The following BASP1 variants were observed in gnomAD, a reference collection of about 807,000 sequenced individuals.
BASP1 encodes brain acid soluble protein 1.
Under a neutral mutation model 2.2 loss-of-function variants are expected in BASP1, and 1 was observed. The ratio of observed to expected loss-of-function variants is 0.46; its 90% CI spans 0.16 to 2.17. BASP1 has a LOEUF of 2.17. Ranked by LOEUF, BASP1 falls within the 30% of genes most tolerant of loss-of-function variation. The pLI is 0.27. For missense variants in BASP1, 352 were observed against 327.2 expected (o/e 1.08, Z -0.58); for synonymous variants, 187 against 154.2 (o/e 1.21, Z -1.58).
At chr5:17,257,518 A>G (rs1375746638) in intron 1 of BASP1, among the ~76,000 whole-genome samples, 1 of 152,186 alleles carries the variant, frequency 6.6e-6, no homozygotes, top group Non-Finnish European at 1.5e-5. Context: ...GTGTGTAGTG[A>G]GCTGAACTAT....
Position 17,219,672 on chromosome 5 carries a change from C to T in BASP1, c.-10+1862C>T, listed in dbSNP as rs78159472. 6.7e-3 allele frequency among the ~76,000 whole-genome samples: 1,016 copies of T among 152,254 alleles called. 20 individuals are homozygous for T. Among genetic ancestry groups the T allele is most frequent in the African/African-American group, 0.023 (950 of 41,532 alleles). ...TGGGCGTTGCCTCCAGTGACACCAC[C>T]TGGGGAAAATTAAGACATCTTGGCG... On this transcript the variant is annotated intron_variant, in intron 1 of 1. Transcript: ENST00000322611.
In BASP1 at chr5:17,236,496, C is replaced by T. The variant is rs1028096681; in HGVS notation, c.-10+18686C>T. Among the ~76,000 whole-genome samples the T allele has an allele frequency of 2.0e-5, 3 of 152,098 alleles. No homozygotes were observed. The highest frequency in any genetic ancestry group is 1.3e-4 in the Admixed American group (2 of 15,278). On this transcript the variant is annotated intron_variant, in intron 1 of 1. Transcript: ENST00000322611. The surrounding 1 kb of genome is among the most constrained non-coding windows in gnomAD (Gnocchi z 4.0). ...GTCAGGCTGGTCTCAAACTCCTGAC[C>T]TTAGGTGATCCGCCTGCCTCTGCCT...
At chr5:17,271,718 C>T (rs1187944720) in intron 1 of BASP1, among the ~76,000 whole-genome samples, 1 of 152,078 alleles carries the variant, frequency 6.6e-6, no homozygotes, top group Non-Finnish European at 1.5e-5. Context: ...CTTAGAAGTT[C>T]CAACTTCTAA....
At chr5:17,259,025 G>A in intron 1 of BASP1, among the ~76,000 whole-genome samples, 1 of 152,188 alleles carries the variant, frequency 6.6e-6, no homozygotes, top group Admixed American at 6.5e-5. Context: ...CACTGCATAT[G>A]TATTAGTCCA....
chr5:17,227,857 TA>T (rs767219513), intron 1 of BASP1, among the ~76,000 whole-genome samples: 1 of 152,328 alleles, frequency 6.6e-6, no homozygotes, highest in African/African-American at 2.4e-5. Flanking sequence ...TTTTGCTCAG[TA>T]GCCCTGGTGA....
At position 17,275,971 on chromosome 5, in the gene BASP1, A is replaced by ATCTC; in HGVS notation, c.*79_*82dup. The ATCTC allele has an allele frequency of 1.2e-6, 1 of 812,832 alleles. No individual in the cohort carries two copies. The highest frequency in any genetic ancestry group is 1.7e-6 in the Non-Finnish European group (1 of 585,712). 50.4% of individuals were successfully genotyped at this position (812,832 alleles called of 1,614,324 possible). A position where few individuals can be genotyped will look rare whatever the true frequency, so the allele number is the denominator to read the frequency against. Reference sequence around the variant, plus strand: ...TCTCTCTCTCTCTCTCTCTCTCTCTATCTCTCTCTCTATCTCCTCTCTCTC... The same window carrying ATCTC: ...TCTCTCTCTCTCTCTCTCTCTCTCTATCTCTCTCTCTCTCTATCTCCTCTCTCTC... On this transcript the variant is annotated 3_prime_UTR_variant, in exon 2 of 2. Coordinates refer to ENST00000322611, the MANE Select transcript of BASP1 (RefSeq NM_006317.5). This position sits in a 1 kb window ranked among gnomAD's most constrained non-coding sequence, Gnocchi z 5.3.
chr5:17,268,933 A>G (rs577563821), intron 1 of BASP1, among the ~76,000 whole-genome samples: 68 of 152,372 alleles, frequency 4.5e-4, no homozygotes, highest in African/African-American at 1.4e-3. Flanking sequence ...AATAAGAAAT[A>G]CTTGTTAGCT....
Position 17,275,486 on chromosome 5 carries a change from G to A in BASP1, c.270G>A (p.Thr90=), listed in dbSNP as rs1740625349. The change falls in exon 2 of 2, where the codon ACG becomes ACA. Residue 90 remains threonine (T), a synonymous_variant. Transcript: ENST00000322611. The surrounding 1 kb of genome is among the most constrained non-coding windows in gnomAD (Gnocchi z 5.3). ...CCCCGAAGGCGGAGCCCGAGAAGAC[G>A]GAGGGCGCGGCAGAGGCCAAGGCTG... The part of the protein sequence containing the change: ...EEAPKAEPEK[T]EGAAEAKAEP... The A allele has an allele frequency of 6.7e-7, 1 of 1,483,848 alleles. No individual in the cohort carries two copies. The highest frequency in any genetic ancestry group is 2.6e-5 in the Admixed American group (1 of 38,940). The allele number at this position is 1,483,848 out of a possible 1,614,324, so 91.9% of individuals were successfully genotyped here. A position where few individuals can be genotyped will look rare whatever the true frequency, so the allele number is the denominator to read the frequency against.
rs774789856 is a variant in BASP1 at position 17,268,006 on chromosome 5, G to T, written c.-9-7202G>T. 3.4e-4 allele frequency among the ~76,000 whole-genome samples: 51 copies of T among 151,882 alleles called. 1 individual carries two copies. The highest frequency in any genetic ancestry group is 5.0e-4 in the Non-Finnish European group (34 of 68,004). The stretch of plus-strand genomic sequence containing the variant: ...ATTAGTAGATGTATTGAACTCTGTT[G>T]ATAATACCACTTGTTTCTTTATCTT... On this transcript the variant is annotated intron_variant, in intron 1 of 1. Transcript: ENST00000322611.
Position 17,251,817 on chromosome 5 carries a change from G to A in BASP1, c.-9-23391G>A, listed in dbSNP as rs1740107126. 6.6e-6 allele frequency among the ~76,000 whole-genome samples: 1 copy of A among 152,122 alleles called. No individual in the cohort carries two copies. Among genetic ancestry groups the A allele is most frequent in the East Asian group, 1.9e-4 (1 of 5,202 alleles). ...GCAGAGGAGAAAGAAGGTTCGGGTAGGTGAGAAAGGTAGTGATGAGCTCAC... is the reference window on the plus strand; with the variant it reads ...GCAGAGGAGAAAGAAGGTTCGGGTAAGTGAGAAAGGTAGTGATGAGCTCAC... On this transcript the variant is annotated intron_variant, in intron 1 of 1. Coordinates refer to ENST00000322611, the MANE Select transcript of BASP1 (RefSeq NM_006317.5). This position sits in a 1 kb window ranked among gnomAD's most constrained non-coding sequence, Gnocchi z 4.0.
In BASP1 at chr5:17,256,080, G is replaced by T. The variant is rs756642938; in HGVS notation, c.-9-19128G>T. Among the ~76,000 whole-genome samples the T allele has an allele frequency of 5.1e-4, 78 of 152,074 alleles. 1 individual carries two copies. Among genetic ancestry groups the T allele is most frequent in the Admixed American group, 4.6e-4 (7 of 15,278 alleles). On this transcript the variant is annotated intron_variant, in intron 1 of 1. Coordinates refer to ENST00000322611, the MANE Select transcript of BASP1 (RefSeq NM_006317.5). The stretch of plus-strand genomic sequence containing the variant: ...GTTTCACATGCTCTTCATTTGTCTG[G>T]TATCTGCATGACTTGCCTGCACCCC...
chr5:17,221,365 GT>G (rs35430036), intron 1 of BASP1, among the ~76,000 whole-genome samples: 34,764 of 120,956 alleles, frequency 0.29, 4,084 homozygotes, highest in Middle Eastern at 0.31. Context: ...TCTTGTAAAT[GT>G]TTTTTTTTTT....
At chr5:17,272,542 A>G (rs1040507536) in intron 1 of BASP1, among the ~76,000 whole-genome samples, 2 of 152,116 alleles carry the variant, frequency 1.3e-5, no homozygotes, top group African/African-American at 4.8e-5. Context: ...TACCTAGGAA[A>G]CAGTTAATAG....
chr5:17,275,759 C>A lies in BASP1; in HGVS notation c.543C>A (p.Pro181=). ...DSKPGSSEAA[P]SSKETPAATE... ...AACCCGGCAGCTCGGAGGCTGCCCCCTCTTCCAAGGAGACCCCCGCAGCCA... is the reference window on the plus strand; with the variant it reads ...AACCCGGCAGCTCGGAGGCTGCCCCATCTTCCAAGGAGACCCCCGCAGCCA... The change falls in exon 2 of 2, where the codon CCC becomes CCA. Residue 181 remains proline, a synonymous_variant. Coordinates refer to ENST00000322611, the MANE Select transcript of BASP1 (RefSeq NM_006317.5). The surrounding 1 kb of genome is among the most constrained non-coding windows in gnomAD (Gnocchi z 5.3). 6.2e-7 allele frequency: 1 copy of A among 1,612,626 alleles called. No homozygotes were observed. The highest frequency in any genetic ancestry group is 1.1e-5 in the South Asian group (1 of 91,004).
At chr5:17,238,138 A>G (rs560162656) in intron 1 of BASP1, among the ~76,000 whole-genome samples, 2 of 151,714 alleles carry the variant, frequency 1.3e-5, no homozygotes, top group Admixed American at 1.3e-4. Flanking sequence ...CCTTTCTATT[A>G]ATATATTTTT....
At chr5:17,233,664 T>C (rs945583184) in intron 1 of BASP1, among the ~76,000 whole-genome samples, 4 of 152,162 alleles carry the variant, frequency 2.6e-5, no homozygotes, top group Admixed American at 2.6e-4. Flanking sequence ...TGGAATGACA[T>C]GGTATCGATG....
At chr5:17,219,115 C>T (rs971835922) in intron 1 of BASP1, among the ~76,000 whole-genome samples, 10 of 151,872 alleles carry the variant, frequency 6.6e-5, no homozygotes, top group African/African-American at 1.9e-4. Context: ...ACCCCCACCT[C>T]CCGGGATTAC....
At chr5:17,221,097 T>A (rs1739385277) in intron 1 of BASP1, among the ~76,000 whole-genome samples, 1 of 152,230 alleles carries the variant, frequency 6.6e-6, no homozygotes, top group Non-Finnish European at 1.5e-5. Flanking sequence ...TAGAATATTA[T>A]TTTATAGTGC....
chr5:17,268,231 T>G (rs1186469076), intron 1 of BASP1, among the ~76,000 whole-genome samples: 1 of 152,208 alleles, frequency 6.6e-6, no homozygotes. Flanking sequence ...AACTTCATAC[T>G]GAGTGCTAGG....
Sources: gnomAD v4.1 joint callset for allele counts (sites outside exome capture counted in the v4.1 genomes callset) on GRCh38, gnomAD v4.1.1 for gene constraint, Gnocchi (gnomAD v3.1) non-coding constraint, MANE v1.5 for transcripts, NCBI Gene and HGNC (gene_info 2026-07-23, HGNC 2026-07-21) for gene names.